The following RSPH14 variants were observed in gnomAD, a reference collection of about 807,000 sequenced individuals.
RSPH14 encodes the protein rhabdoid tumor deletion region gene 1.
A neutral mutation model predicts 26.7 loss-of-function variants in RSPH14; 20 were observed. That is an observed-to-expected ratio of 0.75 (90% CI 0.53 to 1.09). RSPH14 has a LOEUF of 1.09. Among genes scored for constraint, RSPH14 ranks in the 50% least tolerant of loss-of-function variants. RSPH14 has a pLI of 0.00. For missense variants in RSPH14, 449 were observed against 457.2 expected (o/e 0.98, Z 0.16); for synonymous variants, 177 against 189.3 (o/e 0.93, Z 0.53).
chr22:23,092,342 C>G (rs888786315), intron 4 of RSPH14, among the ~76,000 whole-genome samples: 1 of 152,160 alleles, frequency 6.6e-6, no homozygotes, highest in Non-Finnish European at 1.5e-5. Flanking sequence ...TCCTTACATC[C>G]GTGCACAGCC....
rs563615228 is a variant in RSPH14, at chr22:23,092,323, C to T, written c.422-28190G>A. ...ATTTGAACCACAGCCAGGCTCCCAA[C>T]GCAAGGCTTCCTTACATCCGTGCAC... On this transcript the variant is annotated intron_variant, in intron 4 of 6. Transcript: ENST00000216036. Among the ~76,000 whole-genome samples the T allele has an allele frequency of 5.2e-4, 79 of 152,280 alleles. 1 individual carries two copies. Among genetic ancestry groups the T allele is most frequent in the African/African-American group, 1.9e-3 (77 of 41,554 alleles).
At chr22:23,104,918 G>A (rs2069417327) in intron 4 of RSPH14, among the ~76,000 whole-genome samples, 1 of 152,212 alleles carries the variant, frequency 6.6e-6, no homozygotes, top group African/African-American at 2.4e-5. Context: ...GGGACACCCA[G>A]TGTTGGCCAG....
At chr22:23,103,484 C>T (rs1042563047) in intron 4 of RSPH14, among the ~76,000 whole-genome samples, 1 of 152,208 alleles carries the variant, frequency 6.6e-6, no homozygotes, top group Non-Finnish European at 1.5e-5. Context: ...CCAGTGACTC[C>T]CAGCTCTGAC....
At chr22:23,061,616 T>C (rs565583938) in intron 6 of RSPH14, among the ~76,000 whole-genome samples, 193 bp downstream of exon 6, 1 of 150,980 alleles carries the variant, frequency 6.6e-6, no homozygotes, top group Non-Finnish European at 1.5e-5. Flanking sequence ...GCCACTGTGC[T>C]GGGGAGAAGA....
At chr22:23,141,323 G>C in intron 1 of RSPH14, among the ~76,000 whole-genome samples, 1 of 96,102 alleles carries the variant, frequency 1.0e-5, no homozygotes, top group South Asian at 3.2e-4. Context: ...GCAAGACTCC[G>C]TCTCAAAAAA....
chr22:23,137,420 C>A (rs1007533183), intron 3 of RSPH14, among the ~76,000 whole-genome samples: 17 of 151,290 alleles, frequency 1.1e-4, no homozygotes, highest in Non-Finnish European at 1.8e-4. Context: ...AAGCCCAGGG[C>A]TGCTATCCTC....
the RSPH14 span, among the ~76,000 whole-genome samples, chr22:23,168,562 C>G: frequency 9.2e-5 from 14 of 152,318 alleles, no homozygotes; most frequent in South Asian, 2.1e-4. Flanking sequence ...CCCAGCAGTT[C>G]CCAGGCTCCT....
intron 4 of RSPH14, among the ~76,000 whole-genome samples, chr22:23,072,659 G>T (rs1192699353): frequency 6.6e-6 from 1 of 152,252 alleles, no homozygotes; most frequent in Non-Finnish European, 1.5e-5. Context: ...CCCTCGTGGG[G>T]TGTGCAGTCT....
intron 4 of RSPH14, among the ~76,000 whole-genome samples, chr22:23,127,678 C>T (rs1486201482): frequency 1.3e-5 from 2 of 152,120 alleles, no homozygotes; most frequent in Non-Finnish European, 2.9e-5. Context: ...CAGCAGCCCA[C>T]GTACCTGGGG....
intron 4 of RSPH14, among the ~76,000 whole-genome samples, chr22:23,104,370 G>C (rs891603782): frequency 6.6e-6 from 1 of 152,146 alleles, no homozygotes; most frequent in Non-Finnish European, 1.5e-5. Context: ...TACACCTCCT[G>C]CTCTGCCTCG....
At chr22:23,095,994 G>A (rs746553162) in intron 4 of RSPH14, 29 of 1,609,290 alleles carry the variant, frequency 1.8e-5, no homozygotes, top group African/African-American at 2.7e-5. Flanking sequence ...AACCCCGACC[G>A]CGCCTACGAC....
intron 4 of RSPH14, among the ~76,000 whole-genome samples, chr22:23,072,753 C>CA (rs1441596087): frequency 6.6e-6 from 1 of 152,220 alleles, no homozygotes; most frequent in Admixed American, 6.5e-5. Flanking sequence ...GGGTTTGGGA[C>CA]ACAGGGAATG....
chr22:23,169,553 T>C, the RSPH14 span, among the ~76,000 whole-genome samples: 2 of 152,202 alleles, frequency 1.3e-5, no homozygotes, highest in African/African-American at 4.8e-5. Flanking sequence ...ATGGTACTGA[T>C]TGTGACTCAG....
chr22:23,125,294 C>T (rs1321609925), intron 4 of RSPH14, among the ~76,000 whole-genome samples: 1 of 152,018 alleles, frequency 6.6e-6, no homozygotes, highest in African/African-American at 2.4e-5. Flanking sequence ...ATGACTCCTG[C>T]CCCTCCCGCT....
the RSPH14 span, chr22:23,161,421 T>G: frequency 2.4e-6 from 3 of 1,274,732 alleles, no homozygotes; most frequent in Admixed American, 5.6e-5. Context: ...CAGCTCTGAC[T>G]GTCAGGGCCG....
the RSPH14 span, among the ~76,000 whole-genome samples, chr22:23,158,341 G>A: frequency 2.0e-5 from 3 of 152,318 alleles, no homozygotes; most frequent in East Asian, 1.9e-4. Context: ...TTGCAAGTCC[G>A]GATACTTTTT....
the RSPH14 span, among the ~76,000 whole-genome samples, chr22:23,173,328 G>T: frequency 6.6e-6 from 1 of 152,112 alleles, no homozygotes; most frequent in Non-Finnish European, 1.5e-5. Context: ...CAGAGATGGG[G>T]TTTCAACATG....
intron 4 of RSPH14, among the ~76,000 whole-genome samples, chr22:23,075,581 T>G (rs1300065987): frequency 6.6e-6 from 1 of 152,204 alleles, no homozygotes; most frequent in African/African-American, 2.4e-5. Context: ...TATAACTCTC[T>G]TTTAGAGACG....
the RSPH14 span, among the ~76,000 whole-genome samples, chr22:23,156,855 T>A: frequency 6.6e-6 from 1 of 152,108 alleles, no homozygotes; most frequent in Non-Finnish European, 1.5e-5. Flanking sequence ...GAATAAGAGG[T>A]GCGAGGCGCC....
Sources: gnomAD v4.1 joint callset for allele counts (sites outside exome capture counted in the v4.1 genomes callset) on GRCh38, gnomAD v4.1.1 for gene constraint, MANE v1.5 for transcripts, NCBI Gene and HGNC (gene_info 2026-07-23, HGNC 2026-07-21) for gene names.